Variants in ADGRL3 observed in about 807,000 individuals in gnomAD.
The protein encoded by ADGRL3 is calcium-independent alpha-latrotoxin receptor 3.
In ADGRL3, 62 loss-of-function variants were observed where a neutral mutation model predicts 153.5. That is an observed-to-expected ratio of 0.40 (90% CI 0.33 to 0.50). The LOEUF is 0.50. Among genes scored for constraint, ADGRL3 ranks in the 20% least tolerant of loss-of-function variants. The probability of loss-of-function intolerance (pLI) is 0.47; values close to 1 mark genes in which losing one functional copy is unlikely to be tolerated. For missense variants in ADGRL3, 1,641 were observed against 1,859.4 expected, an observed-to-expected ratio of 0.88 and a Z score of 2.16; for synonymous variants, 710 against 672.5, an observed-to-expected ratio of 1.06 and a Z score of -0.86.
intron 9 of ADGRL3, among the ~76,000 whole-genome samples, chr4:61,861,520 C>T (rs1488847951): frequency 6.6e-6 from 1 of 151,888 alleles, no homozygotes; most frequent in East Asian, 2.0e-4. Context: ...AAGATGATAC[C>T]TTTTGGATTA....
intron 1 of ADGRL3, among the ~76,000 whole-genome samples, chr4:61,291,811 T>C (rs1028850025): frequency 5.4e-5 from 8 of 148,520 alleles, no homozygotes; most frequent in African/African-American, 2.0e-4. Flanking sequence ...AGACGTTCTA[T>C]ATGCGAAGAA....
At chr4:61,343,786 A>T (rs960834487) in intron 1 of ADGRL3, among the ~76,000 whole-genome samples, 1 of 152,174 alleles carries the variant, frequency 6.6e-6, no homozygotes, top group Admixed American at 6.5e-5. Context: ...TTATCCTTGC[A>T]TTTCTCAACC....
intron 2 of ADGRL3, among the ~76,000 whole-genome samples, chr4:61,455,001 A>AT: frequency 6.6e-6 from 1 of 152,244 alleles, no homozygotes; most frequent in Admixed American, 6.5e-5. Context: ...CCAGTAGTAC[A>AT]TTTTTCTTGT....
At chr4:61,899,494 A>G (rs925578022) in intron 11 of ADGRL3, among the ~76,000 whole-genome samples, 11 of 152,028 alleles carry the variant, frequency 7.2e-5, no homozygotes, top group South Asian at 2.1e-4. Context: ...TTTACCCCCA[A>G]TGGAAACACA....
At position 61,732,971 on chromosome 4, in the gene ADGRL3, C is replaced by A; in HGVS notation, c.816C>A (p.His272Gln). 6.2e-7 allele frequency: 1 copy of A among 1,613,398 alleles called. No homozygotes were observed. Among genetic ancestry groups the A allele is most frequent in the Non-Finnish European group, 8.5e-7 (1 of 1,179,692 alleles). ...CAACTACAACCTACAAGCTCCCTCACAGGGTGGATGGCACAGGATTTGTAG... is the reference window on the plus strand; with the variant it reads ...CAACTACAACCTACAAGCTCCCTCAAAGGGTGGATGGCACAGGATTTGTAG... The part of the protein sequence containing the change: ...GRPTTTYKLP[H>Q]RVDGTGFVVY... The change falls in exon 8 of 27, where the codon CAC becomes CAA. Residue 272 changes from histidine (H) to glutamine (Q), a missense_variant. Transcript: ENST00000683033.
intron 5 of ADGRL3, among the ~76,000 whole-genome samples, chr4:61,634,013 C>T (rs922492171): frequency 3.9e-5 from 6 of 152,046 alleles, no homozygotes; most frequent in Admixed American, 6.6e-5. Flanking sequence ...TTTTCTTACT[C>T]TCTTATTCTT....
intron 18 of ADGRL3, 113 bp downstream of exon 18, chr4:61,979,885 A>T: frequency 1.1e-6 from 1 of 901,504 alleles, no homozygotes. Context: ...GTCATCTAAG[A>T]TAGATACTAA....
At chr4:61,975,262 A>G (rs752997587) in intron 17 of ADGRL3, among the ~76,000 whole-genome samples, 5 of 152,160 alleles carry the variant, frequency 3.3e-5, no homozygotes, top group Non-Finnish European at 5.9e-5. Flanking sequence ...TGACTCAGAA[A>G]AAACCCTCTG....
At chr4:61,700,284 G>C (rs532221463) in intron 6 of ADGRL3, among the ~76,000 whole-genome samples, 62 of 132,146 alleles carry the variant, frequency 4.7e-4, no homozygotes, top group Non-Finnish European at 8.9e-4. Flanking sequence ...CTGGCTTGTT[G>C]CCCTAAGTTT....
chr4:61,644,339 A>G (rs1185907914), intron 5 of ADGRL3, among the ~76,000 whole-genome samples: 3 of 150,276 alleles, frequency 2.0e-5, no homozygotes, highest in East Asian at 2.0e-4. Context: ...TAGCTTTTGA[A>G]TGTGTTTGCT....
chr4:61,684,194 T>A (rs905032808), intron 6 of ADGRL3, among the ~76,000 whole-genome samples: 1 of 152,180 alleles, frequency 6.6e-6, no homozygotes, highest in East Asian at 1.9e-4. Flanking sequence ...TAGTGAGCCA[T>A]TTCTGAATGT....
intron 4 of ADGRL3, among the ~76,000 whole-genome samples, chr4:61,563,056 T>C (rs1246364419): frequency 6.6e-6 from 1 of 151,868 alleles, no homozygotes; most frequent in Non-Finnish European, 1.5e-5. Context: ...ATGGCAGCTA[T>C]AGAGAGTGTT....
At chr4:61,920,293 G>A (rs1335602720) in intron 13 of ADGRL3, among the ~76,000 whole-genome samples, 1 of 152,068 alleles carries the variant, frequency 6.6e-6, no homozygotes, top group African/African-American at 2.4e-5. Flanking sequence ...ATTAATTAAG[G>A]TAAAGGATAT....
chr4:61,388,768 G>T (rs1455367029), intron 2 of ADGRL3, among the ~76,000 whole-genome samples: 1 of 152,132 alleles, frequency 6.6e-6, no homozygotes, highest in Non-Finnish European at 1.5e-5. Context: ...AACACACTAG[G>T]CCACTCTACC....
intron 25 of ADGRL3, among the ~76,000 whole-genome samples, chr4:62,067,488 G>A (rs1388192574): frequency 6.6e-6 from 1 of 151,848 alleles, no homozygotes; most frequent in African/African-American, 2.4e-5. Flanking sequence ...TCTGTATTCA[G>A]AATAATAAAT....
In ADGRL3 at chr4:62,077,507, A is replaced by G. The variant is rs1028785970; in HGVS notation, c.*6599A>G. The G allele has an allele frequency of 1.3e-5, 2 of 152,016 alleles. No individual in the cohort carries two copies. Among genetic ancestry groups the G allele is most frequent in the African/African-American group, 4.8e-5 (2 of 41,442 alleles). The allele number at this position is 152,016 out of a possible 1,614,324, so 9.4% of individuals were successfully genotyped here. A position where few individuals can be genotyped will look rare whatever the true frequency, so the allele number is the denominator to read the frequency against. On this transcript the variant is annotated 3_prime_UTR_variant, in exon 27 of 27. Transcript: ENST00000683033. ...TGATCCTGACTTCAAAATGAAATAT[A>G]TTGATTGCTCTCAAAAGATGTTTGA...
At chr4:61,928,611 A>G (rs1188187284) in intron 13 of ADGRL3, among the ~76,000 whole-genome samples, 1 of 152,210 alleles carries the variant, frequency 6.6e-6, no homozygotes, top group African/African-American at 2.4e-5. Context: ...TGGAAACATT[A>G]TGGAAAACTT....
chr4:61,552,791 A>G (rs2148834495), intron 4 of ADGRL3, among the ~76,000 whole-genome samples: 1 of 152,318 alleles, frequency 6.6e-6, no homozygotes, highest in Admixed American at 6.5e-5. Flanking sequence ...ATCAAGGCCA[A>G]GAATACACTA....
intron 2 of ADGRL3, among the ~76,000 whole-genome samples, chr4:61,480,916 A>C (rs1033747703): frequency 6.6e-6 from 1 of 152,218 alleles, no homozygotes; most frequent in African/African-American, 2.4e-5. Flanking sequence ...AGGGAAATGC[A>C]GATAAAATCC....
Sources: gnomAD v4.1 joint callset for allele counts (sites outside exome capture counted in the v4.1 genomes callset) on GRCh38, gnomAD v4.1.1 for gene constraint, MANE v1.5 for transcripts, NCBI Gene and HGNC (gene_info 2026-07-23, HGNC 2026-07-21) for gene names.